GAS2: variants seen among roughly 807,000 people sequenced by gnomAD.
The protein encoded by GAS2 is growth arrest-specific protein 2.
GAS2 carries 20 observed loss-of-function variants against 37.5 expected under a neutral mutation model. The observed-to-expected ratio is 0.53, with a 90% confidence interval of 0.37 to 0.77. The LOEUF (loss-of-function observed/expected upper bound fraction) is 0.77, where lower values mean the gene tolerates loss of function less well. Among genes scored for constraint, GAS2 ranks in the 30% least tolerant of loss-of-function variants. The pLI, the probability that GAS2 is intolerant of heterozygous loss-of-function variation, is 0.00. For missense variants in GAS2, 336 were observed against 373.4 expected, an observed-to-expected ratio of 0.90 and a Z score of 0.82; for synonymous variants, 144 against 132.2, an observed-to-expected ratio of 1.09 and a Z score of -0.61.
chr11:22,773,386 CTTTTTTTTTTT>C (rs34014416), intron 7 of GAS2, among the ~76,000 whole-genome samples: 3 of 64,956 alleles, frequency 4.6e-5, no homozygotes, highest in East Asian at 4.9e-4. Context: ...ACACCTCAAT[CTTTTTTTTTTT>C]TTTTTTTTTT....
chr11:22,649,550 A>C lies in GAS2; in HGVS notation c.-21+23737A>C, dbSNP rs539723147. 3.3e-5 allele frequency among the ~76,000 whole-genome samples: 5 copies of C among 150,970 alleles called. No individual in the cohort carries two copies. The South Asian group carries it at 1.1e-3, about 32-fold the overall frequency. On this transcript the variant is annotated intron_variant, in intron 1 of 5. Coordinates refer to the GAS2 transcript ENST00000528582. Reference sequence around the variant, plus strand: ...CGGCTGTGAATCCATCTGGTCCTGGACTCTTTTTGGTTGGTAAGCTATTGA... The same window carrying C: ...CGGCTGTGAATCCATCTGGTCCTGGCCTCTTTTTGGTTGGTAAGCTATTGA...
intron 7 of GAS2, among the ~76,000 whole-genome samples, chr11:22,801,767 G>A (rs1015753529): frequency 3.3e-5 from 5 of 152,010 alleles, no homozygotes; most frequent in Admixed American, 2.0e-4. Flanking sequence ...CAGTGACCTC[G>A]ATGTTTCTTT....
chr11:22,635,714 C>T (rs539961507), intron 1 of GAS2, among the ~76,000 whole-genome samples: 1 of 152,346 alleles, frequency 6.6e-6, no homozygotes, highest in East Asian at 1.9e-4. Context: ...TTCTTTCAAC[C>T]TGTGACTGCT....
intron 1 of GAS2, among the ~76,000 whole-genome samples, chr11:22,652,170 G>A (rs563630344): frequency 1.1e-4 from 17 of 152,280 alleles, no homozygotes; most frequent in African/African-American, 4.1e-4. Flanking sequence ...GTCTGTTGGA[G>A]TACCCGGCCG....
intron 7 of GAS2, among the ~76,000 whole-genome samples, chr11:22,786,220 A>G (rs890060955): frequency 6.6e-6 from 1 of 152,182 alleles, no homozygotes; most frequent in African/African-American, 2.4e-5. Flanking sequence ...ATTTACATTT[A>G]CATGAGTTGG....
At chr11:22,757,844 C>G (rs1854134415) in intron 7 of GAS2, among the ~76,000 whole-genome samples, 5 of 151,962 alleles carry the variant, frequency 3.3e-5, no homozygotes, top group Admixed American at 3.3e-4. Context: ...GTCATAAGTT[C>G]ATTTCCACCC....
chr11:22,785,491 A>G (rs1305745494), intron 7 of GAS2, among the ~76,000 whole-genome samples: 2 of 152,138 alleles, frequency 1.3e-5, no homozygotes, highest in African/African-American at 4.8e-5. Context: ...TTCAAGAACA[A>G]TATTACATAC....
intron 3 of GAS2, among the ~76,000 whole-genome samples, chr11:22,718,589 C>T (rs997304579): frequency 2.6e-5 from 4 of 151,648 alleles, no homozygotes; most frequent in African/African-American, 7.3e-5. Context: ...ATGGGTGCAC[C>T]GAAATCTCAG....
chr11:22,767,217 T>A (rs1854740855), intron 7 of GAS2, among the ~76,000 whole-genome samples: 1 of 152,132 alleles, frequency 6.6e-6, no homozygotes, highest in African/African-American at 2.4e-5. Context: ...ATGAAGAAAC[T>A]GCAGCTAATA....
chr11:22,628,633 A>T (rs200534688), intron 1 of GAS2, among the ~76,000 whole-genome samples: 1 of 150,624 alleles, frequency 6.6e-6, no homozygotes, highest in East Asian at 1.9e-4. Flanking sequence ...CTTTAACAGA[A>T]TTTTTTTTTT....
chr11:22,751,020 G>A (rs560651041), intron 6 of GAS2, among the ~76,000 whole-genome samples: 11 of 151,882 alleles, frequency 7.2e-5, no homozygotes, highest in Non-Finnish European at 1.3e-4. Context: ...CTCCATTCTT[G>A]AAATGCATCT....
intron 1 of GAS2, among the ~76,000 whole-genome samples, chr11:22,636,619 ACAGAAATTTGTT>A (rs1007675690): frequency 1.3e-5 from 2 of 152,120 alleles, no homozygotes; most frequent in Admixed American, 6.5e-5. Context: ...TTCTCTAATG[ACAGAAATTTGTT>A]CAGAAATATC....
intron 1 of GAS2, among the ~76,000 whole-genome samples, chr11:22,659,872 TGGA>T (rs1848896540): frequency 1.0e-5 from 1 of 97,928 alleles, no homozygotes; most frequent in African/African-American, 4.4e-5. Context: ...AAGGAAAAAA[TGGA>T]GGGAGGAAGG....
chr11:22,773,810 C>T (rs1005639015), intron 7 of GAS2, among the ~76,000 whole-genome samples: 14 of 152,070 alleles, frequency 9.2e-5, no homozygotes, highest in Admixed American at 7.2e-4. Flanking sequence ...TTCCTGACCT[C>T]GCTTCCACAG....
intron 1 of GAS2, among the ~76,000 whole-genome samples, chr11:22,660,846 C>G (rs1388057358): frequency 1.3e-5 from 2 of 152,198 alleles, no homozygotes; most frequent in Admixed American, 6.5e-5. Flanking sequence ...AGGCAGTTCT[C>G]TCACTTTGGG....
At chr11:22,758,448 G>A (rs927346141) in intron 7 of GAS2, among the ~76,000 whole-genome samples, 1 of 151,974 alleles carries the variant, frequency 6.6e-6, no homozygotes, top group African/African-American at 2.4e-5. Context: ...CTTAACATTT[G>A]TCCCCTAGTT....
chr11:22,728,918 C>T (rs1479826279), intron 4 of GAS2, among the ~76,000 whole-genome samples: 5 of 150,350 alleles, frequency 3.3e-5, no homozygotes, highest in South Asian at 2.1e-4. Flanking sequence ...GAGATTGAGC[C>T]GCTGCTGATG....
chr11:22,806,366 G>A (rs1326452321), intron 7 of GAS2, among the ~76,000 whole-genome samples: 1 of 152,142 alleles, frequency 6.6e-6, no homozygotes. Context: ...CATGTAGGTT[G>A]ACGCCATATC....
upstream of GAS2, among the ~76,000 whole-genome samples, chr11:22,662,761 T>C (rs1356739458): frequency 6.6e-6 from 1 of 152,074 alleles, no homozygotes; most frequent in East Asian, 1.9e-4. Flanking sequence ...GGCTCATGCC[T>C]CTAACCCAGA....
Sources: allele counts gnomAD v4.1 joint callset (sites outside exome capture counted in the v4.1 genomes callset), GRCh38; gene constraint gnomAD v4.1.1; transcripts MANE v1.5; gene names NCBI Gene and HGNC (gene_info 2026-07-23, HGNC 2026-07-21).